The following PAK1 variants were observed in gnomAD, a reference collection of about 807,000 sequenced individuals.
PAK1 encodes the protein serine/threonine-protein kinase PAK 1.
Under a neutral mutation model 67.4 loss-of-function variants are expected in PAK1, and 29 were observed. The observed-to-expected ratio is 0.43, with a 90% CI of 0.32 to 0.59. PAK1 has a LOEUF of 0.59. PAK1 is among the 20% of genes least tolerant of loss of function. The pLI is 0.07. For missense variants in PAK1, 337 were observed against 670.7 expected, an observed-to-expected ratio of 0.50 and a Z score of 5.50; for synonymous variants, 223 against 237.4, an observed-to-expected ratio of 0.94 and a Z score of 0.56.
At chr11:77,485,206 T>C in the PAK1 span, among the ~76,000 whole-genome samples, 1 of 152,100 alleles carries the variant, frequency 6.6e-6, no homozygotes, top group African/African-American at 2.4e-5. Context: ...GAATAGTGGT[T>C]AGAGAGTACA....
At chr11:77,418,470 T>G (rs150061602) in intron 1 of PAK1, among the ~76,000 whole-genome samples, 1 of 152,326 alleles carries the variant, frequency 6.6e-6, no homozygotes, top group East Asian at 1.9e-4. Flanking sequence ...GAAGTTACAT[T>G]AGATTTTTAT....
intron 1 of PAK1, among the ~76,000 whole-genome samples, chr11:77,426,922 T>C (rs2138258527): frequency 6.7e-6 from 1 of 150,116 alleles, no homozygotes; most frequent in East Asian, 1.9e-4. Context: ...CAGTTCAATC[T>C]CAGGGTAGAA....
At chr11:77,348,554 T>C (rs1944768812) in intron 9 of PAK1, among the ~76,000 whole-genome samples, 1 of 152,202 alleles carries the variant, frequency 6.6e-6, no homozygotes, top group South Asian at 2.1e-4. Context: ...TTAAATCTCC[T>C]GTAGATCAGA....
intron 4 of PAK1, among the ~76,000 whole-genome samples, chr11:77,378,814 C>T (rs1949438846): frequency 6.6e-6 from 1 of 152,214 alleles, no homozygotes; most frequent in Admixed American, 6.5e-5. Context: ...TCTCGAACTC[C>T]TGACCTCAAG....
chr11:77,527,730 C>T, the PAK1 span, among the ~76,000 whole-genome samples: 1 of 152,154 alleles, frequency 6.6e-6, no homozygotes, highest in African/African-American at 2.4e-5. Context: ...TTTTTAGAAA[C>T]TTACGGAAAA....
intron 9 of PAK1, among the ~76,000 whole-genome samples, chr11:77,344,988 A>G (rs1159616392): frequency 6.6e-6 from 1 of 152,118 alleles, no homozygotes; most frequent in Non-Finnish European, 1.5e-5. Context: ...TCTTCTCTTC[A>G]TCTGGAACAG....
chr11:77,473,313 G>C (rs561047731), intron 1 of PAK1: 1 of 152,332 alleles, frequency 6.6e-6, no homozygotes, highest in African/African-American at 2.4e-5. Context: ...GAATCGCCCG[G>C]CGTCTGAGAC....
chr11:77,449,088 G>A (rs1209502315), intron 1 of PAK1, among the ~76,000 whole-genome samples: 4 of 152,170 alleles, frequency 2.6e-5, no homozygotes, highest in African/African-American at 4.8e-5. Context: ...CAGAAAGCTC[G>A]AAAGAGAAAC....
chr11:77,429,431 A>G (rs1237065993), intron 1 of PAK1, among the ~76,000 whole-genome samples: 1 of 152,216 alleles, frequency 6.6e-6, no homozygotes, highest in East Asian at 1.9e-4. Context: ...GAAAAGAGTA[A>G]CTTCACAGTG....
At chr11:77,457,552 T>C (rs1489595628) in intron 1 of PAK1, among the ~76,000 whole-genome samples, 2 of 152,120 alleles carry the variant, frequency 1.3e-5, no homozygotes, top group Admixed American at 6.5e-5. Context: ...CTCCAGCAGA[T>C]AGGAGGCTAG....
chr11:77,493,750 G>T, the PAK1 span, among the ~76,000 whole-genome samples: 1 of 151,958 alleles, frequency 6.6e-6, no homozygotes, highest in African/African-American at 2.4e-5. Context: ...TATAAAATAG[G>T]TATTACTCTC....
At chr11:77,526,070 T>C in the PAK1 span, among the ~76,000 whole-genome samples, 1 of 152,232 alleles carries the variant, frequency 6.6e-6, no homozygotes, top group South Asian at 2.1e-4. Flanking sequence ...GACTCTCATT[T>C]ATTTTATCCA....
intron 9 of PAK1, among the ~76,000 whole-genome samples, chr11:77,345,557 T>A (rs1000334172): frequency 6.6e-6 from 1 of 152,176 alleles, no homozygotes; most frequent in East Asian, 1.9e-4. Context: ...TATTATTTCT[T>A]CAAGTCAAGA....
At chr11:77,481,267 G>A in the PAK1 span, among the ~76,000 whole-genome samples, 1 of 152,040 alleles carries the variant, frequency 6.6e-6, no homozygotes, top group Admixed American at 6.6e-5. Context: ...ATGTAAAAAT[G>A]TGATAAAAAA....
chr11:77,437,642 A>G (rs1382024667), intron 1 of PAK1, among the ~76,000 whole-genome samples: 1 of 152,146 alleles, frequency 6.6e-6, no homozygotes, highest in African/African-American at 2.4e-5. Context: ...ACAGGGATGC[A>G]ACTAAACATC....
intron 1 of PAK1, among the ~76,000 whole-genome samples, chr11:77,470,759 G>A (rs1223811610): frequency 6.6e-6 from 1 of 152,210 alleles, no homozygotes; most frequent in Non-Finnish European, 1.5e-5. Context: ...AGTTAAGAGT[G>A]CTTATTTAGA....
rs772542996 is a variant in PAK1, at chr11:77,392,386, T to C, written c.135A>G (p.Pro45=). ...ATCGGTCCTTCTTTTTCTTCTCCTC[T>C]GGGTTTGGAGGCAGAGGTTTAGAAC... ...NHGSKPLPPN[P]EEKKKKDRFY... Residue 45 remains proline (P), a synonymous_variant, in exon 2 of 15, where the codon CCA becomes CCG. Coordinates refer to ENST00000356341, the MANE Select transcript of PAK1 (RefSeq NM_002576.5). 1.2e-6 allele frequency: 2 copies of C among 1,612,452 alleles called. No homozygotes were observed. Among genetic ancestry groups the C allele is most frequent in the Non-Finnish European group, 1.7e-6 (2 of 1,178,966 alleles).
intron 1 of PAK1, among the ~76,000 whole-genome samples, chr11:77,400,089 A>G (rs985349911): frequency 6.6e-6 from 1 of 152,272 alleles, no homozygotes; most frequent in Non-Finnish European, 1.5e-5. Context: ...CTACCCCTAG[A>G]GTCGCTGATT....
At position 77,392,587 on chromosome 11, in the gene PAK1, C is replaced by T; in HGVS notation, c.-21-46G>A. 5.6e-6 allele frequency: 8 copies of T among 1,439,106 alleles called. No individual in the cohort carries two copies. In the South Asian group the frequency reaches 9.8e-5, roughly 18 times the overall value. 89.1% of individuals were successfully genotyped at this position (1,439,106 alleles called of 1,614,324 possible). A position where few individuals can be genotyped will look rare whatever the true frequency, so the allele number is the denominator to read the frequency against. On this transcript the variant is annotated intron_variant, in intron 1 of 14. Coordinates refer to ENST00000356341, the MANE Select transcript of PAK1 (RefSeq NM_002576.5). ...AATATAACTCTTTTATTATTTTTGA[C>T]CAAAAGGAAATACATGTTAAAAAAT... is the stretch of plus-strand genomic sequence containing the variant.
Sources: allele counts gnomAD v4.1 joint callset (sites outside exome capture counted in the v4.1 genomes callset), GRCh38; gene constraint gnomAD v4.1.1; transcripts MANE v1.5; gene names NCBI Gene and HGNC (gene_info 2026-07-23, HGNC 2026-07-21).